The following SPOCK3 variants were observed in gnomAD, a reference collection of about 807,000 sequenced individuals.
SPOCK3 encodes testican-3.
Under a neutral mutation model 56.6 loss-of-function variants are expected in SPOCK3, and 30 were observed. The ratio of observed to expected loss-of-function variants is 0.53; its 90% CI spans 0.40 to 0.72. SPOCK3 has a LOEUF of 0.72. Among genes scored for constraint, SPOCK3 ranks in the 30% least tolerant of loss-of-function variants. SPOCK3 has a pLI of 0.00. For synonymous variants in SPOCK3, 196 were observed against 183.3 expected (o/e 1.07, Z -0.56); for missense variants, 527 against 530.0 (o/e 0.99, Z 0.06).
At chr4:167,098,104 C>T (rs1759317477) in intron 2 of SPOCK3, among the ~76,000 whole-genome samples, 1 of 151,920 alleles carries the variant, frequency 6.6e-6, no homozygotes, top group Admixed American at 6.6e-5. Flanking sequence ...GGCAGGAATG[C>T]CTTTATCCCA....
chr4:166,870,546 G>A lies in SPOCK3; in HGVS notation c.589+18584C>T, dbSNP rs74559350. 2.6e-3 allele frequency among the ~76,000 whole-genome samples: 401 copies of A among 151,978 alleles called. 9 individuals are homozygous for A. In the East Asian group the frequency reaches 0.061, roughly 23 times the overall value. ...AAAGAATAAAACTAGAAATCAATAA[G>A]AGAGATAGTTGAAAAAGCCCTAAAT... On this transcript the variant is annotated intron_variant, in intron 6 of 10. Transcript: ENST00000357545.
Position 167,197,120 on chromosome 4 carries a change from T to A in SPOCK3, c.189+36865A>T, listed in dbSNP as rs868035981. On this transcript the variant is annotated intron_variant, in intron 2 of 10. Transcript: ENST00000357545. ...TTAGGGTGCATCTACCAGGCTTGGG[T>A]CAACTCTGGGTAGCCATGATAATTT... 2.6e-5 allele frequency among the ~76,000 whole-genome samples: 4 copies of A among 152,218 alleles called. No homozygotes were observed. The Middle Eastern group carries it at 0.01, about 388-fold the overall frequency.
At chr4:166,930,981 A>G (rs1247059993) in intron 4 of SPOCK3, among the ~76,000 whole-genome samples, 1 of 152,094 alleles carries the variant, frequency 6.6e-6, no homozygotes, top group African/African-American at 2.4e-5. Context: ...GCCTACACAC[A>G]GAAACAATTT....
chr4:167,121,026 TTTGATAG>T (rs1227309973), intron 2 of SPOCK3, among the ~76,000 whole-genome samples: 2 of 151,764 alleles, frequency 1.3e-5, no homozygotes, highest in Non-Finnish European at 2.9e-5. Flanking sequence ...TTCAGTGGAT[TTTGATAG>T]TTATTCTGCA....
At chr4:167,204,022 C>T (rs1004490333) in intron 2 of SPOCK3, among the ~76,000 whole-genome samples, 1 of 152,004 alleles carries the variant, frequency 6.6e-6, no homozygotes, top group African/African-American at 2.4e-5. Flanking sequence ...TTTAGATGTA[C>T]ACACAGCTAT....
At chr4:166,843,093 C>G (rs1747646447) in intron 6 of SPOCK3, among the ~76,000 whole-genome samples, 1 of 152,206 alleles carries the variant, frequency 6.6e-6, no homozygotes, top group Non-Finnish European at 1.5e-5. Context: ...CTGCCTAGGA[C>G]CTGCCAGCCG....
intron 2 of SPOCK3, among the ~76,000 whole-genome samples, chr4:167,114,166 C>T (rs1761142598): frequency 6.6e-6 from 1 of 152,004 alleles, no homozygotes; most frequent in South Asian, 2.1e-4. Context: ...GAGGTCAATT[C>T]GACAAACAAA....
chr4:166,995,128 T>G (rs1748214631), intron 4 of SPOCK3, among the ~76,000 whole-genome samples: 1 of 152,028 alleles, frequency 6.6e-6, no homozygotes, highest in Non-Finnish European at 1.5e-5. Context: ...TTGAATAAAT[T>G]AAGTGAATTC....
chr4:166,988,807 T>C (rs1195870290), intron 4 of SPOCK3, among the ~76,000 whole-genome samples: 1 of 152,090 alleles, frequency 6.6e-6, no homozygotes, highest in Non-Finnish European at 1.5e-5. Context: ...AACTACAAAA[T>C]AAATTAATAC....
At chr4:167,208,597 AT>A (rs1435778685) in intron 2 of SPOCK3, among the ~76,000 whole-genome samples, 2 of 151,530 alleles carry the variant, frequency 1.3e-5, no homozygotes, top group South Asian at 2.1e-4. Context: ...ACTGGTCTTT[AT>A]TTTTTTTCAT....
chr4:167,234,313 C>G, intron 1 of SPOCK3, 137 bp downstream of exon 1: 1 of 796,976 alleles, frequency 1.3e-6, no homozygotes, highest in East Asian at 2.7e-5. Context: ...GCAAGCGTGT[C>G]CCCTCCCCGC....
intron 6 of SPOCK3, among the ~76,000 whole-genome samples, chr4:166,819,334 A>G (rs930903377): frequency 6.6e-6 from 1 of 152,088 alleles, no homozygotes; most frequent in African/African-American, 2.4e-5. Flanking sequence ...ATCTGTTCTT[A>G]CTACTTACAG....
At chr4:166,847,635 G>GA (rs1748197934) in intron 6 of SPOCK3, among the ~76,000 whole-genome samples, 1 of 53,032 alleles carries the variant, frequency 1.9e-5, no homozygotes, top group African/African-American at 5.4e-5. Flanking sequence ...AATTCAAAAG[G>GA]AAAATCCTAG....
At chr4:166,997,507 A>G (rs1426678334) in intron 4 of SPOCK3, among the ~76,000 whole-genome samples, 8 of 152,100 alleles carry the variant, frequency 5.3e-5, no homozygotes, top group Admixed American at 5.2e-4. Context: ...GACCATTTCA[A>G]TTGATCAAAC....
intron 2 of SPOCK3, among the ~76,000 whole-genome samples, chr4:167,157,717 T>A (rs2150431169): frequency 6.6e-6 from 1 of 151,748 alleles, no homozygotes; most frequent in South Asian, 2.1e-4. Flanking sequence ...AAAAGCACAC[T>A]TCTGGAAATG....
chr4:166,863,304 A>G (rs1731434243), intron 6 of SPOCK3, among the ~76,000 whole-genome samples: 1 of 152,146 alleles, frequency 6.6e-6, no homozygotes, highest in Admixed American at 6.6e-5. Flanking sequence ...CATGGAAAGG[A>G]AAAACCACTA....
intron 6 of SPOCK3, among the ~76,000 whole-genome samples, chr4:166,861,745 C>G (rs1035483418): frequency 1.3e-5 from 2 of 152,074 alleles, no homozygotes; most frequent in Non-Finnish European, 2.9e-5. Flanking sequence ...ATTTCCTTTT[C>G]TGATTGGACA....
chr4:166,966,385 C>G lies in SPOCK3; in HGVS notation c.350+33964G>C, dbSNP rs144633756. ...TTCATATAACATTGTTATTCTGTGA[C>G]AAAATGTGGCCAGTTCTGTCTTCAG... On this transcript the variant is annotated intron_variant, in intron 4 of 10. Transcript: ENST00000357545. 7.8e-3 allele frequency among the ~76,000 whole-genome samples: 1,190 copies of G among 152,214 alleles called. 13 individuals carry two copies. The highest frequency in any genetic ancestry group is 0.027 in the African/African-American group (1,121 of 41,532).
chr4:166,987,616 G>A (rs569682091), intron 4 of SPOCK3, among the ~76,000 whole-genome samples: 1 of 152,242 alleles, frequency 6.6e-6, no homozygotes, highest in East Asian at 1.9e-4. Context: ...GTAAATGAAT[G>A]CAATAGAAAT....
Sources: allele counts gnomAD v4.1 joint callset (sites outside exome capture counted in the v4.1 genomes callset), GRCh38; gene constraint gnomAD v4.1.1; transcripts MANE v1.5; gene names NCBI Gene and HGNC (gene_info 2026-07-23, HGNC 2026-07-21).